Variants in PCCB observed in about 807,000 individuals in gnomAD.
PCCB encodes propionyl-CoA carboxylase beta chain, mitochondrial.
PCCB carries 43 observed loss-of-function variants against 60.7 expected under a neutral mutation model. The observed-to-expected ratio is 0.71, with a 90% confidence interval of 0.55 to 0.91. The LOEUF (loss-of-function observed/expected upper bound fraction) is 0.91, where lower values mean the gene tolerates loss of function less well. Ranked by LOEUF, PCCB falls within the 40% of genes least tolerant of loss-of-function variation. The pLI is 0.00. For missense variants in PCCB, 766 were observed against 702.8 expected, an observed-to-expected ratio of 1.09 and a Z score of -1.02; for synonymous variants, 276 against 255.9, an observed-to-expected ratio of 1.08 and a Z score of -0.75.
chr3:136,310,790 T>C (rs750093905), intron 9 of PCCB, among the ~76,000 whole-genome samples: 2 of 152,182 alleles, frequency 1.3e-5, no homozygotes, highest in Non-Finnish European at 2.9e-5. Context: ...AGATTGGTTC[T>C]AGGAAACTCA....
chr3:136,255,861 G>A lies in PCCB; in HGVS notation c.189G>A (p.Lys63=), dbSNP rs1485926867. 7.4e-6 allele frequency: 12 copies of A among 1,614,058 alleles called. No individual in the cohort carries two copies. Among genetic ancestry groups the A allele is most frequent in the South Asian group, 5.5e-5 (5 of 91,084 alleles). The change falls in exon 2 of 15, where the codon AAG becomes AAA. Residue 63 remains lysine, a synonymous_variant. Transcript: ENST00000251654. ...TGATCTTTGTTCCATTGTAGGGAAA[G>A]CTAACAGCCAGGGAGAGGATCAGTC... The part of the protein sequence containing the change: ...RRIDAQHKRG[K]LTARERISLL...
intron 6 of PCCB, among the ~76,000 whole-genome samples, chr3:136,288,269 T>C (rs955689090): frequency 3.3e-5 from 5 of 152,208 alleles, no homozygotes; most frequent in Non-Finnish European, 5.9e-5. Flanking sequence ...GTCCATCATA[T>C]CCTGTTTATT....
intron 1 of PCCB, chr3:136,251,222 C>T (rs1053737829): frequency 2.2e-6 from 1 of 456,504 alleles, no homozygotes; most frequent in African/African-American, 2.0e-5. Context: ...ACACTGCCAC[C>T]CACCGCCTGG....
intron 6 of PCCB, among the ~76,000 whole-genome samples, chr3:136,289,353 C>T (rs904783511): frequency 6.6e-6 from 1 of 152,168 alleles, no homozygotes; most frequent in Admixed American, 6.5e-5. Flanking sequence ...CTGTTTGTCT[C>T]CTTGGAGAAT....
At chr3:136,298,277 A>G (rs1218468530) in intron 8 of PCCB, among the ~76,000 whole-genome samples, 1 of 152,112 alleles carries the variant, frequency 6.6e-6, no homozygotes, top group African/African-American at 2.4e-5. Context: ...TGTAATATCT[A>G]ATGTATATCT....
intron 5 of PCCB, among the ~76,000 whole-genome samples, chr3:136,272,897 A>G (rs1942237813): frequency 1.3e-5 from 2 of 152,010 alleles, no homozygotes; most frequent in South Asian, 4.1e-4. Flanking sequence ...TGGTTCATTG[A>G]GGTGAGACAG....
chr3:136,321,563 C>G (rs183316728), intron 10 of PCCB, among the ~76,000 whole-genome samples: 3 of 152,270 alleles, frequency 2.0e-5, no homozygotes, highest in Non-Finnish European at 4.4e-5. Context: ...ATAAAACCAT[C>G]AGATCTCATG....
intron 6 of PCCB, among the ~76,000 whole-genome samples, chr3:136,291,366 A>C (rs187323906): frequency 6.6e-6 from 1 of 152,224 alleles, no homozygotes; most frequent in East Asian, 1.9e-4. Context: ...TTCTCTCTTC[A>C]AACTTTGTTT....
intron 9 of PCCB, among the ~76,000 whole-genome samples, chr3:136,306,858 A>G (rs1934465941): frequency 8.1e-6 from 1 of 122,806 alleles, no homozygotes; most frequent in African/African-American, 2.5e-5. Flanking sequence ...CCAGAAATAA[A>G]ATAAGATTCA....
At chr3:136,261,418 A>G (rs1324300134) in intron 4 of PCCB, among the ~76,000 whole-genome samples, 1 of 152,196 alleles carries the variant, frequency 6.6e-6, no homozygotes, top group Non-Finnish European at 1.5e-5. Flanking sequence ...TAAATGAGGT[A>G]ATGGAAGTGA....
intron 5 of PCCB, among the ~76,000 whole-genome samples, chr3:136,269,885 C>CAAAAAA (rs1159032335): frequency 1.6e-5 from 1 of 60,650 alleles, no homozygotes. Context: ...GACTCTGTCT[C>CAAAAAA]AAAAAAAAAA....
intron 6 of PCCB, among the ~76,000 whole-genome samples, chr3:136,291,272 A>G (rs1933676667): frequency 6.6e-6 from 1 of 152,148 alleles, no homozygotes; most frequent in African/African-American, 2.4e-5. Context: ...TACACCTGGC[A>G]AACATCTTAA....
At chr3:136,256,314 T>C (rs867718060) in intron 2 of PCCB, 19 of 583,042 alleles carry the variant, frequency 3.3e-5, no homozygotes, top group Non-Finnish European at 4.9e-5. Context: ...ATTGTTTTGC[T>C]TTTAGGAGGG....
intron 5 of PCCB, among the ~76,000 whole-genome samples, chr3:136,270,708 A>G (rs1379859243): frequency 6.6e-6 from 1 of 151,986 alleles, no homozygotes; most frequent in African/African-American, 2.4e-5. Flanking sequence ...GTTTCACCAT[A>G]TTGGTCAGGC....
At chr3:136,256,004 T>A in intron 2 of PCCB, 29 bp downstream of exon 2, 1 of 1,613,896 alleles carries the variant, frequency 6.2e-7, no homozygotes, top group Non-Finnish European at 8.5e-7. Context: ...GTGTGAACAC[T>A]TTTTAGGTGT....
At chr3:136,290,901 CA>C (rs1219383446) in intron 6 of PCCB, among the ~76,000 whole-genome samples, 1 of 150,730 alleles carries the variant, frequency 6.6e-6, no homozygotes, top group Non-Finnish European at 1.5e-5. Context: ...TTTTTTGATC[CA>C]TTTTTTTCTC....
intron 9 of PCCB, among the ~76,000 whole-genome samples, chr3:136,310,857 G>A (rs1490254378): frequency 6.6e-6 from 1 of 152,002 alleles, no homozygotes; most frequent in African/African-American, 2.4e-5. Context: ...TTATATAGAC[G>A]CTGAAGAAAA....
chr3:136,307,395 A>T (rs938514101), intron 9 of PCCB, among the ~76,000 whole-genome samples: 1 of 152,186 alleles, frequency 6.6e-6, no homozygotes, highest in Non-Finnish European at 1.5e-5. Flanking sequence ...AAAAAATGCA[A>T]CTGAAAAATG....
intron 9 of PCCB, among the ~76,000 whole-genome samples, chr3:136,309,262 CAAA>C (rs1202774808): frequency 2.1e-4 from 10 of 47,020 alleles, no homozygotes; most frequent in East Asian, 5.6e-4. Context: ...GACTCCATCT[CAAA>C]AAAAAAAAAA....
Sources: gnomAD v4.1 joint callset for allele counts (sites outside exome capture counted in the v4.1 genomes callset) on GRCh38, gnomAD v4.1.1 for gene constraint, MANE v1.5 for transcripts, NCBI Gene and HGNC (gene_info 2026-07-23, HGNC 2026-07-21) for gene names.